The following SLC31A1 variants were observed in gnomAD, a reference collection of about 807,000 sequenced individuals.
The protein encoded by SLC31A1 is solute carrier family 31 member 1.
Under a neutral mutation model 17.2 loss-of-function variants are expected in SLC31A1, and 5 were observed. That is an observed-to-expected ratio of 0.29 (90% CI 0.15 to 0.61). The LOEUF is 0.61. SLC31A1 is among the 20% of genes least tolerant of loss of function. The probability of loss-of-function intolerance (pLI) is 0.86; values close to 1 mark genes in which losing one functional copy is unlikely to be tolerated. For synonymous variants in SLC31A1, 76 were observed against 78.8 expected, an observed-to-expected ratio of 0.96 and a Z score of 0.19; for missense variants, 161 against 241.4, an observed-to-expected ratio of 0.67 and a Z score of 2.21.
rs545699743 is a variant in SLC31A1, at chr9:113,258,164, G to A, written c.203-530G>A. ...ACTTGCGCAAACTCAATAGTCAGTT[G>A]GACTGCCTTAGGTACCAGATGTCTG... is the stretch of plus-strand genomic sequence containing the variant. On this transcript the variant is annotated intron_variant, in intron 3 of 4. Transcript: ENST00000374212. The surrounding 1 kb of genome is among the most constrained non-coding windows in gnomAD (Gnocchi z 4.8). 6.6e-6 allele frequency among the ~76,000 whole-genome samples: 1 copy of A among 152,120 alleles called. No homozygotes were observed. The highest frequency in any genetic ancestry group is 1.5e-5 in the Non-Finnish European group (1 of 68,032).
chr9:113,241,560 C>T (rs1831521485), intron 1 of SLC31A1, among the ~76,000 whole-genome samples: 1 of 152,192 alleles, frequency 6.6e-6, no homozygotes, highest in South Asian at 2.1e-4. Context: ...CTGCTAAGGT[C>T]CTTCCAATTC....
intron 1 of SLC31A1, among the ~76,000 whole-genome samples, chr9:113,228,791 A>C (rs1587986921): frequency 6.6e-6 from 1 of 152,320 alleles, no homozygotes; most frequent in South Asian, 2.1e-4. Context: ...GTCATCATTT[A>C]ATAACATAAG....
At chr9:113,254,436 A>G (rs1241934834) in intron 1 of SLC31A1, among the ~76,000 whole-genome samples, 1 of 152,202 alleles carries the variant, frequency 6.6e-6, no homozygotes, top group African/African-American at 2.4e-5. Flanking sequence ...GTGAATGAAT[A>G]ATGAAAAGCA....
chr9:113,244,148 T>G (rs1394827971), intron 1 of SLC31A1, among the ~76,000 whole-genome samples: 1 of 79,458 alleles, frequency 1.3e-5, no homozygotes, highest in Non-Finnish European at 2.2e-5. Context: ...AGAGCAAAAC[T>G]CCATCTCAAA....
intron 4 of SLC31A1, among the ~76,000 whole-genome samples, chr9:113,259,344 T>C (rs924294983): frequency 6.6e-6 from 1 of 152,184 alleles, no homozygotes; most frequent in Non-Finnish European, 1.5e-5. Flanking sequence ...TTTGAGATTG[T>C]TTTAATAAAA....
At chr9:113,250,974 C>G (rs1490204059) in intron 1 of SLC31A1, among the ~76,000 whole-genome samples, 2 of 152,142 alleles carry the variant, frequency 1.3e-5, no homozygotes, top group African/African-American at 4.8e-5. Context: ...GCTTCTCTGC[C>G]AGAAGCCCCA....
At chr9:113,227,166 T>C (rs1045641338) in intron 1 of SLC31A1, 1 of 152,154 alleles carries the variant, frequency 6.6e-6, no homozygotes, top group Non-Finnish European at 1.5e-5. Flanking sequence ...AGAATGCAGA[T>C]GTAGAACCTC....
chr9:113,230,131 G>A (rs1182487147), intron 1 of SLC31A1, among the ~76,000 whole-genome samples: 1 of 152,170 alleles, frequency 6.6e-6, no homozygotes, highest in African/African-American at 2.4e-5. Flanking sequence ...GTGTTTTACT[G>A]TCTTCCCAAA....
At position 113,257,095 on chromosome 9, in the gene SLC31A1, G is replaced by C. The variant is rs1564219830; in HGVS notation, c.130-18G>C. 6 of 1,609,792 alleles carry C rather than the reference G, an allele frequency of 3.7e-6. No homozygotes were observed. Among genetic ancestry groups the C allele is most frequent in the Non-Finnish European group, 4.3e-6 (5 of 1,176,172 alleles). ...ATTTTCATTCATCTCTAACTGACTT[G>C]TTTTGGTTTTCTGGCAGCCTATGAC... On this transcript the variant is annotated intron_variant, in intron 2 of 4. Transcript: ENST00000374212.
intron 2 of SLC31A1, 143 bp downstream of exon 2, chr9:113,256,420 G>A (rs758970032): frequency 4.9e-5 from 43 of 883,850 alleles, no homozygotes; most frequent in Non-Finnish European, 6.4e-5. Flanking sequence ...AGCAAGTCAA[G>A]TCATTTGCTC....
At chr9:113,247,386 GA>G in intron 1 of SLC31A1, among the ~76,000 whole-genome samples, 1 of 152,322 alleles carries the variant, frequency 6.6e-6, no homozygotes, top group East Asian at 1.9e-4. Flanking sequence ...CCCATGTGCA[GA>G]TGTATGACTA....
intron 1 of SLC31A1, 111 bp from the exon 2 acceptor site, chr9:113,256,003 C>A: frequency 1.4e-6 from 1 of 724,370 alleles, no homozygotes; most frequent in Non-Finnish European, 2.2e-6. Context: ...CTGTGAATAG[C>A]CATTGCATTC....
At chr9:113,245,585 G>C (rs912272203) in intron 1 of SLC31A1, among the ~76,000 whole-genome samples, 2 of 151,888 alleles carry the variant, frequency 1.3e-5, no homozygotes, top group African/African-American at 4.8e-5. Flanking sequence ...CTTACTGGGA[G>C]CTACTACGTT....
chr9:113,254,244 G>A (rs540120946), intron 1 of SLC31A1, among the ~76,000 whole-genome samples: 6 of 152,208 alleles, frequency 3.9e-5, no homozygotes, highest in Admixed American at 2.0e-4. Flanking sequence ...ATGAGCCACC[G>A]CGCCTGGCCA....
chr9:113,260,370 A>G lies in SLC31A1; in HGVS notation c.470A>G (p.Asn157Ser). 1.9e-6 allele frequency: 3 copies of G among 1,614,188 alleles called. No individual in the cohort carries two copies. The highest frequency in any genetic ancestry group is 1.7e-6 in the Non-Finnish European group (2 of 1,180,024). The change falls in exon 5 of 5, where the codon AAC (asparagine) becomes AGC (serine). Residue 157 changes from asparagine to serine, a missense_variant. Coordinates refer to ENST00000374212, the MANE Select transcript of SLC31A1 (RefSeq NM_001859.4). ...YFLMLIFMTY[N>S]GYLCIAVAAG... ...CTCATGCTCATCTTCATGACCTACA[A>G]CGGGTACCTCTGCATTGCAGTAGCA...
chr9:113,221,553 G>A lies in SLC31A1; in HGVS notation c.-161G>A, dbSNP rs1227554229. The A allele has an allele frequency of 1.1e-5, 5 of 459,186 alleles. No homozygotes were observed. The East Asian group carries it at 2.3e-4, about 21-fold the overall frequency. The allele number at this position is 459,186 out of a possible 1,614,324, so 28.4% of individuals were successfully genotyped here. ...GGCGGGAGGGGGCGGGAAATCCTCGGCCTCGGTGGCGGTGGTGGACACGTC... is the reference window on the plus strand; with the variant it reads ...GGCGGGAGGGGGCGGGAAATCCTCGACCTCGGTGGCGGTGGTGGACACGTC... On this transcript the variant is annotated 5_prime_UTR_variant, in exon 1 of 5. Transcript: ENST00000374212.
At chr9:113,246,364 T>G (rs1831578254) in intron 1 of SLC31A1, among the ~76,000 whole-genome samples, 2 of 151,752 alleles carry the variant, frequency 1.3e-5, no homozygotes, top group Admixed American at 6.6e-5. Flanking sequence ...TTTTTTTTCT[T>G]TTTTTGAGAT....
chr9:113,251,154 G>T (rs1831647836), intron 1 of SLC31A1, among the ~76,000 whole-genome samples: 1 of 152,188 alleles, frequency 6.6e-6, no homozygotes, highest in Non-Finnish European at 1.5e-5. Context: ...CTGGCATGGT[G>T]GTTCATGCCT....
At chr9:113,245,968 C>T (rs1344141959) in intron 1 of SLC31A1, among the ~76,000 whole-genome samples, 2 of 151,742 alleles carry the variant, frequency 1.3e-5, no homozygotes, top group African/African-American at 4.8e-5. Context: ...ATATCAAGGT[C>T]TCCCCTTTGT....
Sources: gnomAD v4.1 joint callset for allele counts (sites outside exome capture counted in the v4.1 genomes callset) on GRCh38, gnomAD v4.1.1 for gene constraint, Gnocchi (gnomAD v3.1) non-coding constraint, MANE v1.5 for transcripts, NCBI Gene and HGNC (gene_info 2026-07-23, HGNC 2026-07-21) for gene names.